TRPC4: variants seen among roughly 807,000 people sequenced by gnomAD.
TRPC4 encodes the protein short transient receptor potential channel 4.
TRPC4 carries 49 observed loss-of-function variants against 99.4 expected under a neutral mutation model. The ratio of observed to expected loss-of-function variants is 0.49; its 90% CI spans 0.39 to 0.63. The LOEUF is 0.63. TRPC4 is among the 20% of genes least tolerant of loss of function. TRPC4 has a pLI of 0.00. For synonymous variants in TRPC4, 454 were observed against 425.9 expected, an observed-to-expected ratio of 1.07 and a Z score of -0.81; for missense variants, 898 against 1,152.9, an observed-to-expected ratio of 0.78 and a Z score of 3.20.
intron 4 of TRPC4, among the ~76,000 whole-genome samples, chr13:37,683,410 G>A (rs951035903): frequency 6.6e-6 from 1 of 152,110 alleles, no homozygotes; most frequent in South Asian, 2.1e-4. Context: ...GAAAAGGCTG[G>A]GTTTGAGCCT....
At chr13:37,780,579 C>A (rs2139337171) in intron 2 of TRPC4, among the ~76,000 whole-genome samples, 1 of 152,076 alleles carries the variant, frequency 6.6e-6, no homozygotes, top group East Asian at 1.9e-4. Context: ...ATATTTGCTA[C>A]TTACAACACA....
intron 4 of TRPC4, among the ~76,000 whole-genome samples, chr13:37,685,660 CTG>C (rs1953446676): frequency 1.3e-5 from 2 of 151,162 alleles, no homozygotes; most frequent in African/African-American, 4.9e-5. Context: ...TCCTCTTTTC[CTG>C]TCTTTTCCCC....
intron 1 of TRPC4, among the ~76,000 whole-genome samples, chr13:37,849,279 CAAT>C (rs5802909): frequency 0.016 from 2,451 of 152,176 alleles, 67 homozygotes; most frequent in African/African-American, 0.056. Context: ...GAGCAATAAA[CAAT>C]AATAAGTTAT....
At chr13:37,725,204 G>GA (rs758769998) in intron 3 of TRPC4, among the ~76,000 whole-genome samples, 12 of 151,968 alleles carry the variant, frequency 7.9e-5, no homozygotes, top group Middle Eastern at 3.2e-3. Flanking sequence ...GGAACAGAGG[G>GA]AAAAAATGAA....
intron 6 of TRPC4, among the ~76,000 whole-genome samples, chr13:37,659,868 T>C: frequency 6.6e-6 from 1 of 152,166 alleles, no homozygotes; most frequent in Non-Finnish European, 1.5e-5. Context: ...TGTGGTGATG[T>C]TGACTAAGAA....
chr13:37,756,658 G>T (rs544916549), intron 2 of TRPC4, among the ~76,000 whole-genome samples: 40 of 150,682 alleles, frequency 2.7e-4, no homozygotes, highest in Middle Eastern at 3.4e-3. Context: ...TCAGCCTCCC[G>T]AGTAGCTGGG....
chr13:37,861,873 C>T (rs912846359), intron 1 of TRPC4, among the ~76,000 whole-genome samples: 1 of 151,430 alleles, frequency 6.6e-6, no homozygotes, highest in African/African-American at 2.4e-5. Context: ...TAGAGGTAGG[C>T]ACTCTAATTA....
At chr13:37,768,801 C>G (rs911222741) in intron 2 of TRPC4, among the ~76,000 whole-genome samples, 1 of 151,148 alleles carries the variant, frequency 6.6e-6, no homozygotes, top group Admixed American at 6.6e-5. Flanking sequence ...GAGCTAAATC[C>G]TAGGAAGAAG....
chr13:37,720,219 T>C (rs1222316454), intron 3 of TRPC4, among the ~76,000 whole-genome samples: 1 of 152,174 alleles, frequency 6.6e-6, no homozygotes, highest in Non-Finnish European at 1.5e-5. Flanking sequence ...AATAATAAAG[T>C]TGTGTTGCTT....
At chr13:37,852,870 TC>T (rs1175592474) in intron 1 of TRPC4, among the ~76,000 whole-genome samples, 1 of 152,056 alleles carries the variant, frequency 6.6e-6, no homozygotes, top group Non-Finnish European at 1.5e-5. Flanking sequence ...CAGATGAAGC[TC>T]CTTTGCCTGT....
At chr13:37,693,738 C>T (rs1332337891) in intron 3 of TRPC4, among the ~76,000 whole-genome samples, 1 of 152,196 alleles carries the variant, frequency 6.6e-6, no homozygotes, top group Admixed American at 6.5e-5. Context: ...AATGGTTTTT[C>T]ATGCAACTGT....
chr13:37,676,662 C>T (rs1334998029), intron 4 of TRPC4, among the ~76,000 whole-genome samples: 1 of 151,996 alleles, frequency 6.6e-6, no homozygotes, highest in Non-Finnish European at 1.5e-5. Flanking sequence ...GGAGCCACCG[C>T]GCCCGGCCTG....
At chr13:37,697,236 C>T (rs1453683990) in intron 3 of TRPC4, among the ~76,000 whole-genome samples, 1 of 152,130 alleles carries the variant, frequency 6.6e-6, no homozygotes, top group African/African-American at 2.4e-5. Context: ...GTAAGAACCA[C>T]ATAAATCTGT....
At chr13:37,653,604 C>T (rs1007438978) in intron 7 of TRPC4, among the ~76,000 whole-genome samples, 7 of 152,082 alleles carry the variant, frequency 4.6e-5, no homozygotes, top group Non-Finnish European at 7.4e-5. Context: ...CTCTTTGGTT[C>T]TCCATAGTCT....
At chr13:37,742,493 A>C (rs1955622531) in intron 3 of TRPC4, among the ~76,000 whole-genome samples, 1 of 152,100 alleles carries the variant, frequency 6.6e-6, no homozygotes, top group African/African-American at 2.4e-5. Flanking sequence ...TGCCTAGAGG[A>C]GGAGATGGAA....
chr13:37,800,383 T>A (rs892861200), intron 1 of TRPC4, among the ~76,000 whole-genome samples: 1 of 152,130 alleles, frequency 6.6e-6, no homozygotes, highest in Non-Finnish European at 1.5e-5. Flanking sequence ...GTTTTATTGT[T>A]AATGCAAGAA....
intron 2 of TRPC4, among the ~76,000 whole-genome samples, chr13:37,768,711 C>T (rs1273337096): frequency 2.7e-5 from 4 of 149,734 alleles, no homozygotes; most frequent in South Asian, 4.2e-4. Context: ...GATAGGTGGT[C>T]GGGGGCAACA....
chr13:37,796,971 A>AAATAAAATAAAATAAAATAC (rs1487327541), intron 1 of TRPC4, among the ~76,000 whole-genome samples: 1 of 125,462 alleles, frequency 8.0e-6, no homozygotes, highest in Non-Finnish European at 1.7e-5. Flanking sequence ...AAATAAAATA[A>AAATAAAATAAAATAAAATAC]AGTAAAGTAA....
chr13:37,683,619 G>T (rs1316031408), intron 4 of TRPC4, among the ~76,000 whole-genome samples: 1 of 152,082 alleles, frequency 6.6e-6, no homozygotes, highest in Admixed American at 6.5e-5. Flanking sequence ...CACACAGGTG[G>T]CTCAGTAATA....
Sources: gnomAD v4.1 joint callset for allele counts (sites outside exome capture counted in the v4.1 genomes callset) on GRCh38, gnomAD v4.1.1 for gene constraint, MANE v1.5 for transcripts, NCBI Gene and HGNC (gene_info 2026-07-23, HGNC 2026-07-21) for gene names.